The following EVI5 variants were observed in gnomAD, a reference collection of about 807,000 sequenced individuals.
EVI5 encodes the protein ecotropic viral integration site 5 protein homolog.
A neutral mutation model predicts 112.0 loss-of-function variants in EVI5; 73 were observed. The ratio of observed to expected loss-of-function variants is 0.65; its 90% confidence interval spans 0.54 to 0.79. The LOEUF (loss-of-function observed/expected upper bound fraction) is 0.79, where lower values mean the gene tolerates loss of function less well. EVI5 is among the 30% of genes least tolerant of loss of function. The pLI is 0.00. For synonymous variants in EVI5, 305 were observed against 319.9 expected, an observed-to-expected ratio of 0.95 and a Z score of 0.50; for missense variants, 900 against 968.8, an observed-to-expected ratio of 0.93 and a Z score of 0.94.
chr1:92,617,599 T>A (rs1166202699), intron 16 of EVI5, among the ~76,000 whole-genome samples: 1 of 152,188 alleles, frequency 6.6e-6, no homozygotes, highest in Non-Finnish European at 1.5e-5. Flanking sequence ...AAGTTACACA[T>A]GGTCTCAGCA....
chr1:92,668,450 A>C (rs1665294628), intron 10 of EVI5, among the ~76,000 whole-genome samples: 1 of 152,208 alleles, frequency 6.6e-6, no homozygotes, highest in Admixed American at 6.5e-5. Context: ...TTTCATCAAC[A>C]AAAGGTAATG....
At chr1:92,649,440 C>T (rs1280436187) in intron 13 of EVI5, among the ~76,000 whole-genome samples, 6 of 152,188 alleles carry the variant, frequency 3.9e-5, no homozygotes, top group Admixed American at 2.6e-4. Flanking sequence ...AAACCACTGA[C>T]AAATCCAAGG....
chr1:92,546,118 G>A (rs1665649346), intron 19 of EVI5, among the ~76,000 whole-genome samples: 2 of 152,122 alleles, frequency 1.3e-5, no homozygotes. Context: ...TGGGATGGAA[G>A]GGGCTTTAAG....
At chr1:92,648,389 T>A (rs933850363) in intron 13 of EVI5, among the ~76,000 whole-genome samples, 48 of 150,312 alleles carry the variant, frequency 3.2e-4, no homozygotes, top group Non-Finnish European at 5.0e-4. Flanking sequence ...ATAATAATAA[T>A]AAAAATAAAA....
intron 1 of EVI5, among the ~76,000 whole-genome samples, chr1:92,773,322 T>C (rs1683691408): frequency 1.3e-5 from 2 of 152,164 alleles, no homozygotes; most frequent in African/African-American, 2.4e-5. Context: ...ACTACTGATA[T>C]GTACAAGATC....
intron 19 of EVI5, among the ~76,000 whole-genome samples, chr1:92,551,241 C>T (rs1376900323): frequency 7.5e-5 from 11 of 145,908 alleles, no homozygotes; most frequent in Admixed American, 7.0e-4. Context: ...CCATGTTGCT[C>T]AGGCTGATCT....
At chr1:92,760,368 A>T (rs1188184428) in intron 1 of EVI5, among the ~76,000 whole-genome samples, 1 of 152,164 alleles carries the variant, frequency 6.6e-6, no homozygotes, top group Non-Finnish European at 1.5e-5. Context: ...CCTGTTCTGA[A>T]TAAGAGAGGG....
intron 10 of EVI5, among the ~76,000 whole-genome samples, chr1:92,667,501 A>C (rs1174288569): frequency 1.3e-5 from 2 of 152,148 alleles, no homozygotes; most frequent in Admixed American, 1.3e-4. Context: ...GTTCCCAAAA[A>C]ACTTGTCTAA....
chr1:92,685,146 T>C (rs1191743980), intron 9 of EVI5, among the ~76,000 whole-genome samples: 1 of 152,018 alleles, frequency 6.6e-6, no homozygotes, highest in Admixed American at 6.6e-5. Flanking sequence ...ATTGACCACA[T>C]AGTTGGAAGT....
intron 19 of EVI5, among the ~76,000 whole-genome samples, chr1:92,550,810 AT>A (rs1666771237): frequency 8.8e-6 from 1 of 114,110 alleles, no homozygotes; most frequent in African/African-American, 3.5e-5. Flanking sequence ...ATATATATAT[AT>A]ATAACAAAAA....
intron 10 of EVI5, among the ~76,000 whole-genome samples, chr1:92,671,879 T>C (rs1364296664): frequency 1.3e-5 from 2 of 150,554 alleles, no homozygotes; most frequent in African/African-American, 4.9e-5. Context: ...CACAGCTCAC[T>C]GCAGCCTCAA....
chr1:92,714,145 C>T lies in EVI5; in HGVS notation c.150-9401G>A, dbSNP rs1177704324. The T allele has an allele frequency of 6.1e-6, 6 of 982,376 alleles. No homozygotes were observed. In the East Asian group the frequency reaches 6.8e-4, roughly 111 times the overall value. 60.9% of individuals were successfully genotyped at this position (982,376 alleles called of 1,614,324 possible). A position where few individuals can be genotyped will look rare whatever the true frequency, so the allele number is the denominator to read the frequency against. ...TTCATCAAATAGATCTTTGACATTA[C>T]ATTAAACCATTTCTTCACATCTTTC... On this transcript the variant is annotated intron_variant, in intron 2 of 19. Transcript: ENST00000684568.
intron 14 of EVI5, among the ~76,000 whole-genome samples, chr1:92,632,269 C>A (rs1657337033): frequency 6.6e-6 from 1 of 152,124 alleles, no homozygotes; most frequent in Non-Finnish European, 1.5e-5. Flanking sequence ...CCAGCTCCTC[C>A]TTGTACCTCT....
At chr1:92,703,683 G>T in intron 3 of EVI5, 64 bp from the exon 4 acceptor site, 2 of 954,826 alleles carry the variant, frequency 2.1e-6, no homozygotes, top group South Asian at 1.5e-5. Context: ...AGCCAAGGAA[G>T]ACTTATTAGG....
chr1:92,762,110 G>A (rs551974999), intron 1 of EVI5, among the ~76,000 whole-genome samples: 25 of 152,168 alleles, frequency 1.6e-4, no homozygotes, highest in Admixed American at 2.6e-4. Flanking sequence ...ACAAGAGTAG[G>A]AATTACAGAA....
intron 9 of EVI5, among the ~76,000 whole-genome samples, chr1:92,688,490 C>A (rs780655610): frequency 6.6e-6 from 1 of 152,096 alleles, no homozygotes; most frequent in Non-Finnish European, 1.5e-5. Context: ...TTGTTTGGAG[C>A]CACAGAGATT....
At chr1:92,527,993 AAAG>A (rs1328263378) in intron 19 of EVI5, among the ~76,000 whole-genome samples, 13 of 152,184 alleles carry the variant, frequency 8.5e-5, no homozygotes, top group African/African-American at 3.1e-4. Context: ...TCTGCGTAAT[AAAG>A]AAGATTTAGT....
At chr1:92,746,894 C>CAAA (rs34342037) in intron 1 of EVI5, among the ~76,000 whole-genome samples, 1 of 128,340 alleles carries the variant, frequency 7.8e-6, no homozygotes, top group Admixed American at 7.9e-5. Context: ...GACTCTGGTT[C>CAAA]AAAAAAAAAA....
chr1:92,548,919 G>A (rs567705149), intron 19 of EVI5, among the ~76,000 whole-genome samples: 1 of 152,278 alleles, frequency 6.6e-6, no homozygotes, highest in Non-Finnish European at 1.5e-5. Flanking sequence ...TGGCCACACT[G>A]CCCAAGGTAA....
Sources: allele counts gnomAD v4.1 joint callset (sites outside exome capture counted in the v4.1 genomes callset), GRCh38; gene constraint gnomAD v4.1.1; transcripts MANE v1.5; gene names NCBI Gene and HGNC (gene_info 2026-07-23, HGNC 2026-07-21).